Variants in PRMT5 observed in about 807,000 individuals in gnomAD.
The protein encoded by PRMT5 is protein arginine N-methyltransferase 5.
In PRMT5, 15 loss-of-function variants were observed where a neutral mutation model predicts 84.0. The ratio of observed to expected loss-of-function variants is 0.18; its 90% CI spans 0.12 to 0.28. PRMT5 has a LOEUF of 0.28. Among genes scored for constraint, PRMT5 ranks in the 10% least tolerant of loss-of-function variants. PRMT5 has a pLI of 1.00. For synonymous variants in PRMT5, 276 were observed against 292.4 expected, an observed-to-expected ratio of 0.94 and a Z score of 0.57; for missense variants, 486 against 808.0, an observed-to-expected ratio of 0.60 and a Z score of 4.83.
intron 15 of PRMT5, 30 bp downstream of exon 15, chr14:22,922,413 A>T: frequency 6.4e-7 from 1 of 1,557,960 alleles, no homozygotes; most frequent in East Asian, 2.2e-5. Flanking sequence ...ACACCCTCAT[A>T]CTCTGCCATC....
chr14:22,929,192 T>A (rs763877445), intron 1 of PRMT5, 60 bp downstream of exon 1: 3 of 1,614,114 alleles, frequency 1.9e-6, no homozygotes, highest in Non-Finnish European at 2.5e-6. Flanking sequence ...ATGACTAGTC[T>A]GCCCTTCTCC....
Position 22,922,468 on chromosome 14 carries a change from A to G in PRMT5, c.1671T>C (p.Thr557=). 1 of 1,613,472 alleles carries G rather than the reference A, an allele frequency of 6.2e-7. No homozygotes were observed. The highest frequency in any genetic ancestry group is 1.1e-5 in the South Asian group (1 of 91,082). ...VLHGFAGYFE[T]VLYQDITLSI... is the part of the protein sequence containing the mutation. Reference sequence around the variant, plus strand: ...TCAGAGTGATGTCCTGATAAAGCACAGTCTCAAAGTAGCCGGCAAAGCCAT... The same window carrying G: ...TCAGAGTGATGTCCTGATAAAGCACGGTCTCAAAGTAGCCGGCAAAGCCAT... The change falls in exon 15 of 17, where the codon ACT becomes ACC. Residue 557 remains threonine, a synonymous_variant. Coordinates refer to ENST00000324366, the MANE Select transcript of PRMT5 (RefSeq NM_006109.5).
intron 16 of PRMT5, among the ~76,000 whole-genome samples, chr14:22,921,469 G>A (rs1486607129): frequency 2.6e-5 from 4 of 152,146 alleles, no homozygotes; most frequent in Non-Finnish European, 5.9e-5. Context: ...GTAAGCAAGG[G>A]GACAGTAGCT....
intron 6 of PRMT5, 101 bp from the exon 7 acceptor site, chr14:22,926,397 C>T: frequency 3.1e-6 from 5 of 1,591,686 alleles, no homozygotes; most frequent in South Asian, 2.2e-5. Flanking sequence ...GAAAGCCAGT[C>T]TGAGACAGAG....
rs2044430393 is a variant in PRMT5 at position 22,926,792 on chromosome 14, A to C, written c.473T>G (p.Val158Gly). The C allele has an allele frequency of 6.2e-7, 1 of 1,613,686 alleles. No homozygotes were observed. The highest frequency in any genetic ancestry group is 1.3e-5 in the African/African-American group (1 of 74,914). Residue 158 changes from valine (V) to glycine (G), a missense_variant, in exon 5 of 17, where the codon GTG (valine) becomes GGG (glycine). Coordinates refer to ENST00000324366, the MANE Select transcript of PRMT5 (RefSeq NM_006109.5). ...SSMFWMRVPL[V>G]APEDLRDDII... Reference sequence around the variant, plus strand: ...ATCATCTCTCAGGTCCTCTGGTGCCACCAAGGGTACCCGCATCCAGAACTG... The same window carrying C: ...ATCATCTCTCAGGTCCTCTGGTGCCCCCAAGGGTACCCGCATCCAGAACTG...
Position 22,924,618 on chromosome 14 carries a change from G to A in PRMT5, c.1017+14C>T. ...TGGCCCTGTGCTTTCCTCACCCTGG[G>A]CACCACACAGTACCTGCTGGTACTG... On this transcript the variant is annotated intron_variant, in intron 9 of 16. Coordinates refer to ENST00000324366, the MANE Select transcript of PRMT5 (RefSeq NM_006109.5). This position sits in a 1 kb window ranked among gnomAD's most constrained non-coding sequence, Gnocchi z 6.5. 1 of 1,613,556 alleles carries A rather than the reference G, an allele frequency of 6.2e-7. No homozygotes were observed. Among genetic ancestry groups the A allele is most frequent in the Non-Finnish European group, 8.5e-7 (1 of 1,179,606 alleles).
chr14:22,921,999 G>A (rs1284341484), intron 16 of PRMT5, 177 bp downstream of exon 16: 7 of 648,542 alleles, frequency 1.1e-5, no homozygotes, highest in Non-Finnish European at 1.9e-5. Context: ...GTAGATGCGG[G>A]AAAGCCAGGC....
Position 22,925,008 on chromosome 14 carries a change from G to A in PRMT5, c.810C>T (p.Asn270=). The change falls in exon 8 of 17, where the codon AAC becomes AAT. Residue 270 remains asparagine, a synonymous_variant. Coordinates refer to ENST00000324366, the MANE Select transcript of PRMT5 (RefSeq NM_006109.5). ...LEVQFIITGT[N]HHSEKEFCSY... ...AGCAGAACTCCTTCTCTGAGTGGTG[G>A]TTGGTGCCTGTGATGATGAACTGCA... The A allele has an allele frequency of 6.2e-7, 1 of 1,614,096 alleles. No individual in the cohort carries two copies. The highest frequency in any genetic ancestry group is 8.5e-7 in the Non-Finnish European group (1 of 1,180,018).
At chr14:22,926,883 TAAA>T in intron 4 of PRMT5, 69 bp from the exon 5 acceptor site, 1 of 1,094,560 alleles carries the variant, frequency 9.1e-7, no homozygotes, top group Non-Finnish European at 1.4e-6. Flanking sequence ...TTTCCCTCAA[TAAA>T]AAAAACTTCA....
Position 22,923,469 on chromosome 14 carries a change from A to C in PRMT5, c.1376-309T>G. ...AAAGTCCCACAAAAGTTCCTGATGA[A>C]AGCTAAGCTCAGGGTACATATGTCA... On this transcript the variant is annotated intron_variant, in intron 12 of 16. Coordinates refer to ENST00000324366, the MANE Select transcript of PRMT5 (RefSeq NM_006109.5). The surrounding 1 kb of genome is among the most constrained non-coding windows in gnomAD (Gnocchi z 5.2). The C allele has an allele frequency of 4.6e-6, 1 of 216,870 alleles. No individual in the cohort carries two copies. The highest frequency in any genetic ancestry group is 9.0e-6 in the Non-Finnish European group (1 of 111,100). The allele number at this position is 216,870 out of a possible 1,614,324, so 13.4% of individuals were successfully genotyped here. A position where few individuals can be genotyped will look rare whatever the true frequency, so the allele number is the denominator to read the frequency against.
intron 13 of PRMT5, 44 bp from the exon 14 acceptor site, chr14:22,922,879 C>T (rs368336916): frequency 1.3e-6 from 2 of 1,570,000 alleles, no homozygotes; most frequent in Non-Finnish European, 1.7e-6. Context: ...GGAAGACACA[C>T]AAGAGAGAAC....
In PRMT5 at chr14:22,923,753, T is replaced by C. The variant is rs2044356604; in HGVS notation, c.1375+255A>G. Among the ~76,000 whole-genome samples, 1 of 152,062 alleles carries C rather than the reference T, an allele frequency of 6.6e-6. No individual in the cohort carries two copies. Among genetic ancestry groups the C allele is most frequent in the Non-Finnish European group, 1.5e-5 (1 of 67,990 alleles). ...GGTCTCAAACTCCTGACCTCCCGCC[T>C]TGGCCTCCCAAAGTGCTGCAATTAC... On this transcript the variant is annotated intron_variant, in intron 12 of 16. Coordinates refer to ENST00000324366, the MANE Select transcript of PRMT5 (RefSeq NM_006109.5). This position sits in a 1 kb window ranked among gnomAD's most constrained non-coding sequence, Gnocchi z 5.2.
At chr14:22,927,323 T>C (rs1295257371) in intron 4 of PRMT5, among the ~76,000 whole-genome samples, 27 of 152,004 alleles carry the variant, frequency 1.8e-4, no homozygotes, top group Admixed American at 1.8e-3. Flanking sequence ...CTGCCCAAGC[T>C]GGTCTCGAAC....
chr14:22,927,171 C>T (rs1273948238), intron 4 of PRMT5, among the ~76,000 whole-genome samples: 1 of 151,512 alleles, frequency 6.6e-6, no homozygotes, highest in Non-Finnish European at 1.5e-5. Flanking sequence ...CTGCAACCTC[C>T]GCCTCACAGG....
Position 22,929,333 on chromosome 14 carries a change from C to G in PRMT5, c.29G>C (p.Gly10Ala), listed in dbSNP as rs1464180555. 1.2e-6 allele frequency: 2 copies of G among 1,611,376 alleles called. No homozygotes were observed. The highest frequency in any genetic ancestry group is 1.1e-5 in the South Asian group (1 of 90,962). Reference protein sequence around the residue: MAAMAVGGAGGSRVSSGRDL... With the variant: MAAMAVGGAAGSRVSSGRDL... Reference sequence around the variant, plus strand: ...CCTCCCGCTGGACACGCGGCTCCCACCAGCACCCCCGACCGCCATCGCCGC... The same window carrying G: ...CCTCCCGCTGGACACGCGGCTCCCAGCAGCACCCCCGACCGCCATCGCCGC... Residue 10 changes from glycine to alanine, a missense_variant, in exon 1 of 17, where the codon GGT becomes GCT. Transcript: ENST00000324366.
intron 15 of PRMT5, 84 bp downstream of exon 15, chr14:22,922,359 C>G: frequency 7.0e-7 from 1 of 1,418,984 alleles, no homozygotes; most frequent in African/African-American, 1.4e-5. Context: ...CTGGGCCCCC[C>G]ATAAATCTAA....
intron 16 of PRMT5, among the ~76,000 whole-genome samples, chr14:22,921,884 TAAAAAAAAA>T (rs34529278): frequency 3.3e-5 from 4 of 120,014 alleles, no homozygotes; most frequent in South Asian, 2.9e-4. Context: ...TCCGTCTCTT[TAAAAAAAAA>T]AAAAAAAAAA....
chr14:22,921,254 C>T (rs2044290318), intron 16 of PRMT5, 198 bp from the exon 17 acceptor site: 1 of 629,026 alleles, frequency 1.6e-6, no homozygotes, highest in Non-Finnish European at 2.7e-6. Context: ...AGAAAAACAC[C>T]TATGAAAGGG....
intron 4 of PRMT5, among the ~76,000 whole-genome samples, chr14:22,927,204 G>A (rs1050190974): frequency 6.6e-6 from 1 of 151,054 alleles, no homozygotes; most frequent in African/African-American, 2.4e-5. Context: ...TCCCACCTCA[G>A]CTTCCCAAGT....
Sources: allele counts gnomAD v4.1 joint callset (sites outside exome capture counted in the v4.1 genomes callset), GRCh38; gene constraint gnomAD v4.1.1; non-coding constraint Gnocchi (gnomAD v3.1); transcripts MANE v1.5; gene names NCBI Gene and HGNC (gene_info 2026-07-23, HGNC 2026-07-21).